RBM4: variants seen among roughly 807,000 people sequenced by gnomAD.
RBM4 encodes the protein RNA binding motif protein 4, also known as RNA-binding protein 4.
RBM4 carries 7 observed loss-of-function variants against 29.5 expected under a neutral mutation model. That is an observed-to-expected ratio of 0.24 (90% CI 0.14 to 0.45). The LOEUF is 0.45. RBM4 is among the 20% of genes least tolerant of loss of function. The pLI, the probability that RBM4 is intolerant of heterozygous loss-of-function variation, is 1.00. For missense variants in RBM4, 387 were observed against 502.3 expected, an observed-to-expected ratio of 0.77 and a Z score of 2.19; for synonymous variants, 220 against 205.4, an observed-to-expected ratio of 1.07 and a Z score of -0.61.
chr11:66,661,758 G>T (rs2135218307), intron 2 of RBM4, among the ~76,000 whole-genome samples: 1 of 152,264 alleles, frequency 6.6e-6, no homozygotes, highest in Non-Finnish European at 1.5e-5. Flanking sequence ...GGCCAGGTGT[G>T]GTGGCTCACG....
At chr11:66,659,938 G>C (rs1330985772) in intron 2 of RBM4, among the ~76,000 whole-genome samples, 5 of 150,698 alleles carry the variant, frequency 3.3e-5, no homozygotes, top group African/African-American at 5.0e-5. Context: ...TGTTTCTTTC[G>C]TTACTTAGAA....
At chr11:66,639,668 CTT>C (rs1281510675) in intron 1 of RBM4, 30 bp from the exon 2 acceptor site, 1 of 1,601,996 alleles carries the variant, frequency 6.2e-7, no homozygotes, top group East Asian at 2.2e-5. Context: ...GGCCTGAGGT[CTT>C]TTGTCAGATG....
intron 2 of RBM4, chr11:66,640,774 A>T (rs1938419375): frequency 6.6e-6 from 1 of 152,352 alleles, no homozygotes; most frequent in Non-Finnish European, 1.5e-5. Context: ...ACTTTATAAG[A>T]TTTTGGTGAA....
At chr11:66,645,284 A>G (rs1389695642) in intron 3 of RBM4, among the ~76,000 whole-genome samples, 1 of 152,128 alleles carries the variant, frequency 6.6e-6, no homozygotes, top group Non-Finnish European at 1.5e-5. Context: ...CTTAAGGGTA[A>G]ATCTCAATGC....
In RBM4 at chr11:66,643,955, G is replaced by T; in HGVS notation, c.918G>T (p.Arg306=). ...CAGCTTCCACTTCATATTACGGGCG[G>T]GATCGGAGCCCCCTGCGTCGCGCTA... ...VTAASTSYYG[R]DRSPLRRATA... The change falls in exon 3 of 4, where the codon CGG becomes CGT. Residue 306 remains arginine (R), a synonymous_variant. Transcript: ENST00000310092. The surrounding 1 kb of genome is among the most constrained non-coding windows in gnomAD (Gnocchi z 6.1). 1.2e-6 allele frequency: 2 copies of T among 1,613,060 alleles called. No individual in the cohort carries two copies. Among genetic ancestry groups the T allele is most frequent in the Non-Finnish European group, 1.7e-6 (2 of 1,179,996 alleles).
chr11:66,665,886 G>A (rs1410123357), exon 3 of RBM4: 1 of 1,535,064 alleles, frequency 6.5e-7, no homozygotes, highest in East Asian at 2.4e-5. Context: ...GAAGGCTACT[G>A]TTGCTGTAAC....
chr11:66,659,907 G>A (rs1939041220), intron 2 of RBM4, among the ~76,000 whole-genome samples: 1 of 151,956 alleles, frequency 6.6e-6, no homozygotes, highest in Admixed American at 6.6e-5. Flanking sequence ...GAATGTTCTT[G>A]TGAAATGTAT....
chr11:66,658,421 A>G (rs1354144873), intron 2 of RBM4, among the ~76,000 whole-genome samples: 1 of 129,062 alleles, frequency 7.7e-6, no homozygotes, highest in Non-Finnish European at 1.6e-5. Context: ...ATCATTGTTA[A>G]TTGTCACAAT....
At position 66,639,873 on chromosome 11, in the gene RBM4, C is replaced by T; in HGVS notation, c.162C>T (p.Asn54=). 4 of 1,614,090 alleles carry T rather than the reference C, an allele frequency of 2.5e-6. No individual in the cohort carries two copies. The highest frequency in any genetic ancestry group is 2.5e-6 in the Non-Finnish European group (3 of 1,180,026). Residue 54 remains asparagine, a synonymous_variant, in exon 2 of 4, where the codon AAC becomes AAT. Coordinates refer to ENST00000310092, the MANE Select transcript of RBM4 (RefSeq NM_002896.4). The part of the protein sequence containing the change: ...DKTAAEDAIR[N]LHHYKLHGVN... ...CGGCAGCTGAGGATGCCATACGCAA[C>T]CTGCACCATTACAAGCTTCATGGGG...
At chr11:66,666,144 T>C (rs1939224631) in exon 3 of RBM4, 14 of 740,518 alleles carry the variant, frequency 1.9e-5, no homozygotes, top group Admixed American at 3.6e-5. Flanking sequence ...ACAGTTCCAG[T>C]AGTTCCCCTA....
chr11:66,650,173 CAT>C (rs1421191005), downstream of RBM4, among the ~76,000 whole-genome samples: 2 of 152,146 alleles, frequency 1.3e-5, no homozygotes, highest in Non-Finnish European at 2.9e-5. Context: ...GTATTGATGA[CAT>C]GTGCCTCGGC....
At position 66,643,311 on chromosome 11, in the gene RBM4, TTC is replaced by T; in HGVS notation, c.413-138_413-137del. On this transcript the variant is annotated intron_variant, in intron 2 of 3. Coordinates refer to ENST00000310092, the MANE Select transcript of RBM4 (RefSeq NM_002896.4). This position sits in a 1 kb window ranked among gnomAD's most constrained non-coding sequence, Gnocchi z 6.1. Reference sequence around the variant, plus strand: ...TCTATATGTTGAGTCTTTTTTTTTTTTCCTTTTTATCTTTTCCTAAAGATGAG... The same window carrying T: ...TCTATATGTTGAGTCTTTTTTTTTTTCTTTTTATCTTTTCCTAAAGATGAG... 1.7e-6 allele frequency: 2 copies of T among 1,176,164 alleles called. No homozygotes were observed. Among genetic ancestry groups the T allele is most frequent in the Admixed American group, 3.1e-5 (1 of 32,080 alleles). 72.9% of individuals were successfully genotyped at this position (1,176,164 alleles called of 1,614,324 possible).
At chr11:66,653,085 C>G (rs1304556129) in intron 2 of RBM4, among the ~76,000 whole-genome samples, 1 of 152,160 alleles carries the variant, frequency 6.6e-6, no homozygotes, top group Admixed American at 6.5e-5. Flanking sequence ...TGTCCAACAT[C>G]AGAATTGTTT....
At chr11:66,647,923 G>A (rs539484771), downstream of RBM4, among the ~76,000 whole-genome samples, 81 of 152,228 alleles carry the variant, frequency 5.3e-4, no homozygotes, top group African/African-American at 1.7e-3. Context: ...TTTTAACTCC[G>A]GCCAGTCATG....
intron 2 of RBM4, among the ~76,000 whole-genome samples, chr11:66,655,417 G>A (rs1224289795): frequency 6.6e-6 from 1 of 151,894 alleles, no homozygotes; most frequent in East Asian, 1.9e-4. Context: ...AGCCTCCCGA[G>A]TAGCTGAGAC....
intron 2 of RBM4, among the ~76,000 whole-genome samples, chr11:66,657,449 G>A (rs1046544868): frequency 1.3e-5 from 2 of 151,608 alleles, no homozygotes; most frequent in Admixed American, 6.6e-5. Flanking sequence ...TTGGGAGGCC[G>A]AGGGGGTGGA....
At chr11:66,659,822 A>G (rs1204763262) in intron 2 of RBM4, among the ~76,000 whole-genome samples, 3 of 152,182 alleles carry the variant, frequency 2.0e-5, no homozygotes, top group Non-Finnish European at 2.9e-5. Context: ...TCTCCCACCA[A>G]GATGACTACA....
Position 66,643,955 on chromosome 11 carries a change from G to GGATC in RBM4, c.920_923dup (p.Pro310GlufsTer22). On this transcript the variant is annotated frameshift_variant, in exon 3 of 4. Coordinates refer to ENST00000310092, the MANE Select transcript of RBM4 (RefSeq NM_002896.4). LOFTEE classifies it high-confidence loss of function. This position sits in a 1 kb window ranked among gnomAD's most constrained non-coding sequence, Gnocchi z 6.1. ...CAGCTTCCACTTCATATTACGGGCG[G>GGATC]GATCGGAGCCCCCTGCGTCGCGCTA... 6.2e-7 allele frequency: 1 copy of GGATC among 1,613,060 alleles called. No homozygotes were observed. The highest frequency in any genetic ancestry group is 8.5e-7 in the Non-Finnish European group (1 of 1,179,996).
At chr11:66,644,714 C>T (rs1008926169) in intron 3 of RBM4, 2 of 974,794 alleles carry the variant, frequency 2.1e-6, no homozygotes, top group African/African-American at 1.8e-5. Flanking sequence ...ACCGTTCAAC[C>T]CTTATGAGTT....
Sources: allele counts gnomAD v4.1 joint callset (sites outside exome capture counted in the v4.1 genomes callset), GRCh38; gene constraint gnomAD v4.1.1; non-coding constraint Gnocchi (gnomAD v3.1); transcripts MANE v1.5; gene names NCBI Gene and HGNC (gene_info 2026-07-23, HGNC 2026-07-21).